The following VPS50 variants were observed in gnomAD, a reference collection of about 807,000 sequenced individuals.
VPS50 encodes the protein VPS50 subunit of EARP/GARPII complex.
VPS50 carries 70 observed loss-of-function variants against 139.7 expected under a neutral mutation model. The ratio of observed to expected loss-of-function variants is 0.50; its 90% CI spans 0.41 to 0.61. The LOEUF (loss-of-function observed/expected upper bound fraction) is 0.61. Ranked by LOEUF, VPS50 falls within the 20% of genes least tolerant of loss-of-function variation. VPS50 has a pLI of 0.00. For missense variants in VPS50, 921 were observed against 1,133.7 expected, an observed-to-expected ratio of 0.81 and a Z score of 2.69; for synonymous variants, 365 against 376.7, an observed-to-expected ratio of 0.97 and a Z score of 0.36.
chr7:93,354,466 G>T (rs1798644415), intron 26 of VPS50, among the ~76,000 whole-genome samples: 1 of 151,650 alleles, frequency 6.6e-6, no homozygotes, highest in Admixed American at 6.6e-5. Context: ...CTAATTTTTT[G>T]TATTTTTAGT....
At chr7:93,240,484 G>A (rs1220391946) in intron 2 of VPS50, among the ~76,000 whole-genome samples, 5 of 151,962 alleles carry the variant, frequency 3.3e-5, no homozygotes, top group Non-Finnish European at 7.4e-5. Flanking sequence ...TGATATTCAC[G>A]TGAATTTCTC....
intron 2 of VPS50, among the ~76,000 whole-genome samples, chr7:93,248,496 C>T (rs548238579): frequency 1.3e-5 from 2 of 152,110 alleles, no homozygotes; most frequent in African/African-American, 2.4e-5. Flanking sequence ...ATTCCTAAAT[C>T]AGTTCACATC....
chr7:93,307,650 T>A (rs1797154173), intron 18 of VPS50, among the ~76,000 whole-genome samples: 1 of 151,888 alleles, frequency 6.6e-6, no homozygotes, highest in Non-Finnish European at 1.5e-5. Context: ...AAATAATGAG[T>A]ATCTATGATA....
intron 2 of VPS50, among the ~76,000 whole-genome samples, chr7:93,243,937 C>G: frequency 6.6e-6 from 1 of 151,910 alleles, no homozygotes; most frequent in African/African-American, 2.4e-5. Flanking sequence ...TATTGTTTTA[C>G]GAGTTTTTAG....
chr7:93,348,535 T>C (rs1431696885), intron 23 of VPS50, among the ~76,000 whole-genome samples, 176 bp from the exon 24 acceptor site: 6 of 152,246 alleles, frequency 3.9e-5, no homozygotes, highest in Non-Finnish European at 7.3e-5. Context: ...CATTATTTAT[T>C]GTGTAGATTA....
chr7:93,322,275 T>C (rs921010107), intron 20 of VPS50, among the ~76,000 whole-genome samples: 4 of 152,218 alleles, frequency 2.6e-5, no homozygotes, highest in South Asian at 2.1e-4. Flanking sequence ...TGTACTGCAG[T>C]AAATGTGTTT....
intron 11 of VPS50, 155 bp from the exon 12 acceptor site, chr7:93,276,010 C>T: frequency 1.5e-6 from 1 of 650,588 alleles, no homozygotes; most frequent in Non-Finnish European, 2.5e-6. Flanking sequence ...AAATAATATA[C>T]CCAGTATAAT....
At chr7:93,335,913 A>AT (rs1798058005) in intron 22 of VPS50, among the ~76,000 whole-genome samples, 1 of 152,222 alleles carries the variant, frequency 6.6e-6, no homozygotes, top group Admixed American at 6.5e-5. Context: ...ATTTTACCAC[A>AT]TAGTGTATAA....
At chr7:93,271,105 C>G (rs1345817531) in intron 9 of VPS50, 115 bp from the exon 10 acceptor site, 6 of 1,406,608 alleles carry the variant, frequency 4.3e-6, no homozygotes, top group South Asian at 1.6e-5. Context: ...GCATGTCTTA[C>G]GATCTATACT....
At chr7:93,282,704 T>G (rs1377914983) in intron 12 of VPS50, among the ~76,000 whole-genome samples, 1 of 152,182 alleles carries the variant, frequency 6.6e-6, no homozygotes. Flanking sequence ...GACGTTTCAT[T>G]GATTGTTGAG....
rs541336262 is a variant in VPS50 at position 93,317,511 on chromosome 7, C to T, written c.1856-6100C>T. 1.4e-4 allele frequency among the ~76,000 whole-genome samples: 21 copies of T among 152,280 alleles called. No individual in the cohort carries two copies. In the East Asian group the frequency reaches 3.1e-3, roughly 22 times the overall value. ...AGCCAAGGTTGCAGCAAGCTGAGAT[C>T]GCACCACTGCATTCCAGCCTGGGTG... On this transcript the variant is annotated intron_variant, in intron 20 of 27. Transcript: ENST00000305866.
chr7:93,347,664 A>G (rs937435290), intron 23 of VPS50, among the ~76,000 whole-genome samples: 4 of 148,554 alleles, frequency 2.7e-5, no homozygotes, highest in South Asian at 2.1e-4. Flanking sequence ...TGATGAGTTC[A>G]TGTCCTTTGT....
intron 24 of VPS50, 49 bp from the exon 25 acceptor site, chr7:93,349,826 T>C: frequency 1.4e-6 from 2 of 1,449,098 alleles, no homozygotes; most frequent in Non-Finnish European, 1.9e-6. Flanking sequence ...TTTATCAATA[T>C]GATACTTTTA....
chr7:93,249,022 A>G (rs1443281702), intron 2 of VPS50, among the ~76,000 whole-genome samples: 1 of 152,040 alleles, frequency 6.6e-6, no homozygotes, highest in African/African-American at 2.4e-5. Flanking sequence ...CTGATTTTCT[A>G]GGTTTTATTC....
In VPS50 at chr7:93,258,277, G is replaced by T; in HGVS notation, c.540+1G>T. 1 of 1,547,632 alleles carries T rather than the reference G, an allele frequency of 6.5e-7. No individual in the cohort carries two copies. Among genetic ancestry groups the T allele is most frequent in the Non-Finnish European group, 8.9e-7 (1 of 1,120,118 alleles). Reference sequence around the variant, plus strand: ...ATCTCTGAGAACTATAAAAACATTGGTATATATGGGTCATTTAAAAAAATT... The same window carrying T: ...ATCTCTGAGAACTATAAAAACATTGTTATATATGGGTCATTTAAAAAAATT... On this transcript the variant is annotated splice_donor_variant, in intron 7 of 27. Coordinates refer to ENST00000305866, the MANE Select transcript of VPS50 (RefSeq NM_017667.4). LOFTEE classifies it high-confidence loss of function.
intron 23 of VPS50, among the ~76,000 whole-genome samples, chr7:93,346,211 A>G (rs1798388723): frequency 6.6e-6 from 1 of 152,116 alleles, no homozygotes; most frequent in Non-Finnish European, 1.5e-5. Flanking sequence ...TCATGAGTGA[A>G]CTCCCATTCA....
chr7:93,293,176 G>A (rs1796699352), intron 13 of VPS50, among the ~76,000 whole-genome samples: 1 of 152,128 alleles, frequency 6.6e-6, no homozygotes, highest in African/African-American at 2.4e-5. Context: ...ATTGGTGGTG[G>A]TTAATATGAT....
At chr7:93,349,477 A>C (rs1798498469) in intron 24 of VPS50, among the ~76,000 whole-genome samples, 1 of 152,190 alleles carries the variant, frequency 6.6e-6, no homozygotes, top group South Asian at 2.1e-4. Flanking sequence ...TGTGGAAGAA[A>C]GGACTGTAGA....
At chr7:93,271,460 C>T (rs1434185534) in intron 10 of VPS50, among the ~76,000 whole-genome samples, 198 bp downstream of exon 10, 2 of 151,692 alleles carry the variant, frequency 1.3e-5, no homozygotes, top group Non-Finnish European at 3.0e-5. Flanking sequence ...GATCTCAAAA[C>T]AGCATTTGAA....
Sources: allele counts gnomAD v4.1 joint callset (sites outside exome capture counted in the v4.1 genomes callset), GRCh38; gene constraint gnomAD v4.1.1; transcripts MANE v1.5; gene names NCBI Gene and HGNC (gene_info 2026-07-23, HGNC 2026-07-21).